GPR55: variants seen among roughly 807,000 people sequenced by gnomAD.
GPR55 encodes the protein G protein-coupled receptor 55.
GPR55 carries 6 observed loss-of-function variants against 7.9 expected under a neutral mutation model. That is an observed-to-expected ratio of 0.76 (90% CI 0.41 to 1.49). GPR55 has a LOEUF of 1.49. Ranked by LOEUF, GPR55 falls within the 40% of genes most tolerant of loss-of-function variation. The pLI, the probability that GPR55 is intolerant of heterozygous loss-of-function variation, is 0.01. For synonymous variants in GPR55, 183 were observed against 166.8 expected, an observed-to-expected ratio of 1.10 and a Z score of -0.75; for missense variants, 376 against 406.0, an observed-to-expected ratio of 0.93 and a Z score of 0.63.
intron 1 of GPR55, among the ~76,000 whole-genome samples, chr2:230,949,925 C>T (rs1351368946): frequency 6.6e-6 from 1 of 151,776 alleles, no homozygotes; most frequent in Admixed American, 6.5e-5. Context: ...ACCTCCGCCT[C>T]CCGGGTTCAA....
intron 1 of GPR55, among the ~76,000 whole-genome samples, chr2:230,956,810 C>T (rs1559181726): frequency 1.3e-5 from 2 of 152,196 alleles, no homozygotes; most frequent in Non-Finnish European, 2.9e-5. Flanking sequence ...CTAGAGCTGT[C>T]TCCCTACCTT....
chr2:230,933,634 A>T (rs1247615280), intron 1 of GPR55, among the ~76,000 whole-genome samples: 1 of 152,226 alleles, frequency 6.6e-6, no homozygotes, highest in Non-Finnish European at 1.5e-5. Context: ...GAGCGGCCAT[A>T]GAGGTGGTGG....
chr2:230,952,487 C>CAGAAA (rs1269839380), intron 1 of GPR55, among the ~76,000 whole-genome samples: 80 of 152,286 alleles, frequency 5.3e-4, no homozygotes, highest in African/African-American at 1.8e-3. Flanking sequence ...ATGGCCAATG[C>CAGAAA]CCTCCCAAGT....
intron 1 of GPR55, among the ~76,000 whole-genome samples, chr2:230,949,563 G>C (rs530449002): frequency 1.3e-5 from 2 of 152,338 alleles, no homozygotes; most frequent in East Asian, 3.9e-4. Flanking sequence ...CTCAAAGTGT[G>C]GCTCAGGCAC....
intron 1 of GPR55, chr2:230,957,697 G>A (rs760591158): frequency 1.8e-6 from 1 of 548,370 alleles, no homozygotes; most frequent in Non-Finnish European, 3.7e-6. Context: ...ATTCAATATT[G>A]TATGGTTCAT....
chr2:230,915,571 G>T (rs897834557), intron 1 of GPR55, among the ~76,000 whole-genome samples: 5 of 152,170 alleles, frequency 3.3e-5, no homozygotes, highest in Admixed American at 3.3e-4. Context: ...AGGTGGGGCT[G>T]AATTGAACCG....
rs144581611 is a variant in GPR55, at chr2:230,923,553, A to G, written c.-135+1615T>C. On this transcript the variant is annotated intron_variant, in intron 1 of 1. Coordinates refer to ENST00000650999, the MANE Select transcript of GPR55 (RefSeq NM_005683.4). The surrounding 1 kb of genome is among the most constrained non-coding windows in gnomAD (Gnocchi z 4.1). ...GAACAGGACACAGAGGGGACAGAGC[A>G]CATGACCACAATCTCCCCAATGCCT... 6.6e-4 allele frequency among the ~76,000 whole-genome samples: 101 copies of G among 152,018 alleles called. No homozygotes were observed. The highest frequency in any genetic ancestry group is 2.1e-3 in the African/African-American group (88 of 41,492).
chr2:230,909,845 G>T lies in GPR55; in HGVS notation c.*158C>A. ...CTGGGCAGTGGAAAAAAGGTCTTTG[G>T]GGTATAATGAGCAAAGCTGGCACTC... On this transcript the variant is annotated 3_prime_UTR_variant, in exon 2 of 2. Coordinates refer to ENST00000650999, the MANE Select transcript of GPR55 (RefSeq NM_005683.4). 1.4e-6 allele frequency: 1 copy of T among 736,234 alleles called. No individual in the cohort carries two copies. 45.6% of individuals were successfully genotyped at this position (736,234 alleles called of 1,614,324 possible).
chr2:230,910,090 G>T lies in GPR55; in HGVS notation c.873C>A (p.Val291=), dbSNP rs377712563. The T allele has an allele frequency of 6.2e-7, 1 of 1,614,000 alleles. No individual in the cohort carries two copies. The highest frequency in any genetic ancestry group is 1.3e-5 in the African/African-American group (1 of 74,922). ...TGATGTTCATGCGGAATTCTTTGAT[G>T]ACAAAGTAGTAGCAGAAAACATCCA... ...CCLDVFCYYF[V]IKEFRMNIRA... Residue 291 remains valine (V), a synonymous_variant, in exon 2 of 2, where the codon GTC becomes GTA. Coordinates refer to ENST00000650999, the MANE Select transcript of GPR55 (RefSeq NM_005683.4). The surrounding 1 kb of genome is among the most constrained non-coding windows in gnomAD (Gnocchi z 5.4).
Position 230,924,328 on chromosome 2 carries a change from G to A in GPR55, c.-135+840C>T, listed in dbSNP as rs1690902754. On this transcript the variant is annotated intron_variant, in intron 1 of 1. Coordinates refer to ENST00000650999, the MANE Select transcript of GPR55 (RefSeq NM_005683.4). The surrounding 1 kb of genome is among the most constrained non-coding windows in gnomAD (Gnocchi z 4.5). Reference sequence around the variant, plus strand: ...TCCACAGAGCTGTGGGCGGCACTTTGCCCTGCCCTGTCCTCTCATCCCCAC... The same window carrying A: ...TCCACAGAGCTGTGGGCGGCACTTTACCCTGCCCTGTCCTCTCATCCCCAC... Among the ~76,000 whole-genome samples, 1 of 152,174 alleles carries A rather than the reference G, an allele frequency of 6.6e-6. No homozygotes were observed. Among genetic ancestry groups the A allele is most frequent in the East Asian group, 1.9e-4 (1 of 5,188 alleles).
chr2:230,941,821 A>C (rs1691238613), intron 1 of GPR55, among the ~76,000 whole-genome samples: 1 of 152,118 alleles, frequency 6.6e-6, no homozygotes, highest in African/African-American at 2.4e-5. Context: ...AATATCTTAA[A>C]CATTAAAATA....
chr2:230,954,227 C>T (rs991340977), intron 1 of GPR55, among the ~76,000 whole-genome samples: 8 of 152,242 alleles, frequency 5.3e-5, no homozygotes, highest in Admixed American at 5.2e-4. Flanking sequence ...GTCTCCTTGC[C>T]CCTTCCCCTG....
chr2:230,932,413 G>A (rs1559175633), intron 1 of GPR55, among the ~76,000 whole-genome samples: 1 of 152,154 alleles, frequency 6.6e-6, no homozygotes, highest in Non-Finnish European at 1.5e-5. Context: ...AAATTACAGA[G>A]ATTTCTGTAA....
Position 230,909,563 on chromosome 2 carries a change from C to T in GPR55, c.*440G>A. On this transcript the variant is annotated 3_prime_UTR_variant, in exon 2 of 2. Coordinates refer to ENST00000650999, the MANE Select transcript of GPR55 (RefSeq NM_005683.4). ...AAAGGGACTTCACTCATCCCTACCA[C>T]CCCACCTCTGCCCAAGACACTCTCC... The T allele has an allele frequency of 5.6e-6, 1 of 178,758 alleles. No individual in the cohort carries two copies. Among genetic ancestry groups the T allele is most frequent in the Non-Finnish European group, 1.2e-5 (1 of 83,672 alleles). The allele number at this position is 178,758 out of a possible 1,614,324, so 11.1% of individuals were successfully genotyped here.
intron 1 of GPR55, among the ~76,000 whole-genome samples, chr2:230,951,983 G>T (rs528097397): frequency 7.2e-4 from 109 of 151,768 alleles, no homozygotes; most frequent in African/African-American, 2.6e-3. Context: ...GCCCAGGCTG[G>T]TCTCAAACTC....
At chr2:230,957,632 A>C (rs1691512634) in intron 1 of GPR55, 3 of 488,256 alleles carry the variant, frequency 6.1e-6, no homozygotes, top group South Asian at 1.6e-5. Context: ...CGCGAAGGGG[A>C]AGCTCTTTAA....
chr2:230,921,632 G>A (rs1690838019), intron 1 of GPR55, among the ~76,000 whole-genome samples: 1 of 152,194 alleles, frequency 6.6e-6, no homozygotes, highest in African/African-American at 2.4e-5. Context: ...CACAAACGCA[G>A]TCACCACTTT....
intron 1 of GPR55, among the ~76,000 whole-genome samples, chr2:230,953,226 T>C (rs1049846390): frequency 1.3e-5 from 2 of 152,204 alleles, no homozygotes; most frequent in Non-Finnish European, 2.9e-5. Context: ...TGTCCCAGTA[T>C]GTCTAGGTAC....
chr2:230,943,851 G>T (rs1474431589), intron 1 of GPR55, among the ~76,000 whole-genome samples: 8 of 152,154 alleles, frequency 5.3e-5, no homozygotes, highest in African/African-American at 1.9e-4. Flanking sequence ...TGCCAAAATT[G>T]CAAGCAAGGT....
Sources: gnomAD v4.1 joint callset for allele counts (sites outside exome capture counted in the v4.1 genomes callset) on GRCh38, gnomAD v4.1.1 for gene constraint, Gnocchi (gnomAD v3.1) non-coding constraint, MANE v1.5 for transcripts, NCBI Gene and HGNC (gene_info 2026-07-23, HGNC 2026-07-21) for gene names.